Variants in MBP observed in about 807,000 individuals in gnomAD.
The protein encoded by MBP is myelin basic protein.
MBP carries 16 observed loss-of-function variants against 35.8 expected under a neutral mutation model. The ratio of observed to expected loss-of-function variants is 0.45; its 90% CI spans 0.30 to 0.68. The LOEUF is 0.68. MBP is among the 30% of genes least tolerant of loss of function. The probability of loss-of-function intolerance (pLI) is 0.08; values close to 1 mark genes in which losing one functional copy is unlikely to be tolerated. For missense variants in MBP, 380 were observed against 404.7 expected, an observed-to-expected ratio of 0.94 and a Z score of 0.52; for synonymous variants, 143 against 159.6, an observed-to-expected ratio of 0.90 and a Z score of 0.78.
In MBP at chr18:76,979,096, A is replaced by C. The variant is rs1438966655; in HGVS notation, c.*1331T>G. The C allele has an allele frequency of 6.6e-6, 1 of 152,148 alleles. No individual in the cohort carries two copies. Among genetic ancestry groups the C allele is most frequent in the Non-Finnish European group, 1.5e-5 (1 of 68,024 alleles). 9.4% of individuals were successfully genotyped at this position (152,148 alleles called of 1,614,324 possible). A position where few individuals can be genotyped will look rare whatever the true frequency, so the allele number is the denominator to read the frequency against. ...ACGAAACATTCAGAATTAGAATTGGATTAAGAAGACGCGTTTTGGCATCAC... is the reference window on the plus strand; with the variant it reads ...ACGAAACATTCAGAATTAGAATTGGCTTAAGAAGACGCGTTTTGGCATCAC... On this transcript the variant is annotated 3_prime_UTR_variant, in exon 9 of 9. Transcript: ENST00000355994.
At chr18:77,042,677 G>T (rs558224251) in intron 3 of MBP, among the ~76,000 whole-genome samples, 2 of 152,318 alleles carry the variant, frequency 1.3e-5, no homozygotes, top group East Asian at 3.9e-4. Context: ...GTCCCTGGAG[G>T]TCGCAGGAAC....
At position 77,012,794 on chromosome 18, in the gene MBP, T is replaced by C. The variant is rs964291720; in HGVS notation, c.576+4038A>G. On this transcript the variant is annotated intron_variant, in intron 4 of 8. Coordinates refer to ENST00000355994, the MANE Select transcript of MBP (RefSeq NM_001025101.2). ...TCGCATGCAATTAGTACACTGTCCT[T>C]GGTCTGTTAAACTGTTTAATGAATG... The C allele has an allele frequency of 1.0e-5, 10 of 985,286 alleles. No individual in the cohort carries two copies. The African/African-American group carries it at 1.7e-4, about 17-fold the overall frequency. The allele number at this position is 985,286 out of a possible 1,614,324, so 61.0% of individuals were successfully genotyped here.
At chr18:76,986,972 A>T in intron 7 of MBP, 4 of 985,454 alleles carry the variant, frequency 4.1e-6, no homozygotes, top group Non-Finnish European at 4.8e-6. Context: ...ACAAGGAGAG[A>T]GTCCTGCGGC....
At chr18:77,074,558 G>A (rs146182288) in intron 2 of MBP, among the ~76,000 whole-genome samples, 93 of 152,260 alleles carry the variant, frequency 6.1e-4, no homozygotes, top group Non-Finnish European at 1.1e-3. Context: ...AGGCTTCAGT[G>A]TCTGGCCCCC....
chr18:77,051,546 C>T (rs1973489834), intron 3 of MBP, among the ~76,000 whole-genome samples: 1 of 152,188 alleles, frequency 6.6e-6, no homozygotes, highest in Admixed American at 6.5e-5. Context: ...TCTGCAGCAA[C>T]CACACCAAAA....
intron 2 of MBP, chr18:77,093,005 G>A (rs1215960810): frequency 6.6e-6 from 1 of 152,236 alleles, no homozygotes; most frequent in African/African-American, 2.4e-5. Flanking sequence ...CTCAAAGTCT[G>A]TTTAAAGTTG....
At chr18:77,063,855 T>C (rs1019042154) in intron 3 of MBP, among the ~76,000 whole-genome samples, 1 of 152,008 alleles carries the variant, frequency 6.6e-6, no homozygotes, top group South Asian at 2.1e-4. Flanking sequence ...GAAGACCTTT[T>C]TATGTTATAT....
intron 4 of MBP, among the ~76,000 whole-genome samples, chr18:76,996,313 G>A (rs1354001288): frequency 6.6e-6 from 1 of 152,148 alleles, no homozygotes; most frequent in Non-Finnish European, 1.5e-5. Context: ...TAAATTACAT[G>A]CTTTTGGAAA....
intron 3 of MBP, among the ~76,000 whole-genome samples, chr18:77,033,522 G>A (rs192920261): frequency 5.3e-5 from 8 of 152,148 alleles, no homozygotes; most frequent in Non-Finnish European, 7.4e-5. Flanking sequence ...GTGCACAGGA[G>A]TAAGGCCCTA....
At chr18:77,073,120 A>G (rs1974516446) in intron 2 of MBP, among the ~76,000 whole-genome samples, 1 of 152,238 alleles carries the variant, frequency 6.6e-6, no homozygotes. Flanking sequence ...AGCAAATTTC[A>G]TTTCCAATCC....
intron 4 of MBP, among the ~76,000 whole-genome samples, chr18:76,992,396 C>A (rs770420861): frequency 6.6e-6 from 1 of 152,168 alleles, no homozygotes; most frequent in East Asian, 1.9e-4. Context: ...TAATCTCACT[C>A]GCCCGCTGCT....
chr18:77,001,361 G>A (rs1425829234), intron 4 of MBP, among the ~76,000 whole-genome samples: 1 of 151,288 alleles, frequency 6.6e-6, no homozygotes, highest in Non-Finnish European at 1.5e-5. Flanking sequence ...CCAGAAGATC[G>A]GCCCAGCGTA....
intron 2 of MBP, among the ~76,000 whole-genome samples, chr18:77,094,402 G>A (rs778026865): frequency 6.6e-6 from 1 of 152,208 alleles, no homozygotes; most frequent in Non-Finnish European, 1.5e-5. Context: ...CACATCCAGA[G>A]GCAGTCCACA....
chr18:77,118,698 A>G (rs1374284886), intron 1 of MBP, among the ~76,000 whole-genome samples: 1 of 140,586 alleles, frequency 7.1e-6, no homozygotes, highest in Non-Finnish European at 1.5e-5. Flanking sequence ...CACACACTCC[A>G]CACACCCCCC....
At chr18:76,992,557 C>T (rs1420233652) in intron 4 of MBP, among the ~76,000 whole-genome samples, 1 of 152,162 alleles carries the variant, frequency 6.6e-6, no homozygotes, top group Non-Finnish European at 1.5e-5. Context: ...CCCTGCCCTG[C>T]CCACCCTTCA....
intron 3 of MBP, among the ~76,000 whole-genome samples, chr18:77,055,515 T>G (rs2144725833): frequency 6.6e-6 from 1 of 152,304 alleles, no homozygotes; most frequent in South Asian, 2.1e-4. Flanking sequence ...CTTTCTTTCC[T>G]TCCTTTCCTT....
chr18:77,070,478 C>G (rs1974395297), intron 2 of MBP, among the ~76,000 whole-genome samples: 1 of 152,156 alleles, frequency 6.6e-6, no homozygotes, highest in Non-Finnish European at 1.5e-5. Context: ...GTAAGGAGCA[C>G]AAACAGCTCG....
chr18:77,085,220 T>TC (rs1185427513), intron 2 of MBP, among the ~76,000 whole-genome samples: 2 of 152,174 alleles, frequency 1.3e-5, no homozygotes, highest in Non-Finnish European at 2.9e-5. Context: ...CCTACTTAAT[T>TC]CCCCAGAACA....
intron 4 of MBP, among the ~76,000 whole-genome samples, chr18:76,993,708 C>T (rs973546029): frequency 3.3e-5 from 5 of 152,286 alleles, no homozygotes; most frequent in Admixed American, 6.5e-5. Flanking sequence ...AGGCACAGAG[C>T]GCAGCTCCCA....
Sources: gnomAD v4.1 joint callset for allele counts (sites outside exome capture counted in the v4.1 genomes callset) on GRCh38, gnomAD v4.1.1 for gene constraint, MANE v1.5 for transcripts, NCBI Gene and HGNC (gene_info 2026-07-23, HGNC 2026-07-21) for gene names.